Variants in MGST1 observed in about 807,000 individuals in gnomAD.
The protein encoded by MGST1 is microsomal glutathione S-transferase 1.
MGST1 carries 5 observed loss-of-function variants against 8.9 expected under a neutral mutation model. The observed-to-expected ratio is 0.56, with a 90% CI of 0.29 to 1.19. MGST1 has a LOEUF of 1.19. Among genes scored for constraint, MGST1 ranks in the 50% most tolerant of loss-of-function variants. MGST1 has a pLI of 0.08. For missense variants in MGST1, 182 were observed against 187.4 expected (o/e 0.97, Z 0.17); for synonymous variants, 54 against 67.8 (o/e 0.80, Z 1.00).
intron 4 of MGST1, among the ~76,000 whole-genome samples, chr12:16,471,004 A>G (rs1162481619): frequency 6.6e-6 from 1 of 152,254 alleles, no homozygotes; most frequent in Admixed American, 6.5e-5. Flanking sequence ...CATCTGGCAT[A>G]GAAATTACTT....
intron 1 of MGST1, among the ~76,000 whole-genome samples, chr12:16,386,275 C>T (rs112209801): frequency 3.3e-5 from 5 of 152,290 alleles, no homozygotes; most frequent in South Asian, 2.1e-4. Context: ...GTGCTGTACA[C>T]GCGGCAAGTT....
intron 4 of MGST1, among the ~76,000 whole-genome samples, chr12:16,466,400 T>C (rs919989784): frequency 1.3e-5 from 2 of 152,232 alleles, no homozygotes; most frequent in Admixed American, 6.5e-5. Context: ...GAATCTACTG[T>C]ATACAACTGA....
chr12:16,461,191 A>AAG (rs1293675777), intron 4 of MGST1, among the ~76,000 whole-genome samples: 12 of 151,538 alleles, frequency 7.9e-5, no homozygotes. Flanking sequence ...AAAAAAAAAA[A>AAG]AAGCACATCA....
chr12:16,361,481 G>A lies in MGST1; in HGVS notation c.222-2314G>A, dbSNP rs1173472492. On this transcript the variant is annotated intron_variant, in intron 3 of 3. Transcript: ENST00000396210. This position sits in a 1 kb window ranked among gnomAD's most constrained non-coding sequence, Gnocchi z 4.2. ...ATGGGGAAGAAGGGTAATAGACCCAGGTAGAAAGTGGACTCTTAGGAAGAC... is the reference window on the plus strand; with the variant it reads ...ATGGGGAAGAAGGGTAATAGACCCAAGTAGAAAGTGGACTCTTAGGAAGAC... 2.0e-5 allele frequency among the ~76,000 whole-genome samples: 3 copies of A among 152,218 alleles called. No homozygotes were observed. The highest frequency in any genetic ancestry group is 4.8e-5 in the African/African-American group (2 of 41,462).
chr12:16,388,723 C>G (rs528295852), intron 1 of MGST1, among the ~76,000 whole-genome samples: 1 of 152,282 alleles, frequency 6.6e-6, no homozygotes, highest in Non-Finnish European at 1.5e-5. Context: ...TGGAACCCTT[C>G]AAGCGACACT....
chr12:16,349,446 C>A lies in MGST1; in HGVS notation c.-23+1736C>A, dbSNP rs546258248. 2.6e-5 allele frequency among the ~76,000 whole-genome samples: 4 copies of A among 152,256 alleles called. No homozygotes were observed. In the South Asian group the frequency reaches 8.3e-4, roughly 32 times the overall value. ...CAGAAGACCAGAGCTGTTGAGAATT[C>A]TTAGCCTTGATGGTGGGTAGCCCAG... On this transcript the variant is annotated intron_variant, in intron 1 of 3. Transcript: ENST00000396210.
chr12:16,400,272 G>A, intron 1 of MGST1: 1 of 812,992 alleles, frequency 1.2e-6, no homozygotes, highest in East Asian at 2.4e-5. Flanking sequence ...GAAAATGCAA[G>A]ACAATAATCA....
At position 16,517,833 on chromosome 12, in the gene MGST1, T is replaced by C. The variant is rs1233208487; in HGVS notation, n.483-71695T>C. Among the ~76,000 whole-genome samples, 1 of 152,230 alleles carries C rather than the reference T, an allele frequency of 6.6e-6. No homozygotes were observed. Among genetic ancestry groups the C allele is most frequent in the Non-Finnish European group, 1.5e-5 (1 of 68,048 alleles). ...CATAATTTCTTATTGGAGATTAGTA[T>C]ATGGACATTCTAGTTATGTTAATAC... On this transcript the variant is annotated intron_variant and non_coding_transcript_variant, in intron 4 of 4. Coordinates refer to the MGST1 transcript ENST00000538857. This position sits in a 1 kb window ranked among gnomAD's most constrained non-coding sequence, Gnocchi z 4.2.
intron 1 of MGST1, among the ~76,000 whole-genome samples, chr12:16,436,001 A>ACACT (rs71856348): frequency 1.3e-5 from 2 of 151,416 alleles, no homozygotes; most frequent in African/African-American, 2.4e-5. Flanking sequence ...ATACACACAC[A>ACACT]CACACACACA....
In MGST1 at chr12:16,546,395, T is replaced by G. The variant is rs546639301; in HGVS notation, n.483-43133T>G. On this transcript the variant is annotated intron_variant and non_coding_transcript_variant, in intron 4 of 4. Coordinates refer to the MGST1 transcript ENST00000538857. This position sits in a 1 kb window ranked among gnomAD's most constrained non-coding sequence, Gnocchi z 4.7. ...CCCCGGTGATACCAATTTCGAGTATTCAGCTTCTGAGTCCAGAATACCAAT... is the reference window on the plus strand; with the variant it reads ...CCCCGGTGATACCAATTTCGAGTATGCAGCTTCTGAGTCCAGAATACCAAT... Among the ~76,000 whole-genome samples, 12 of 152,202 alleles carry G rather than the reference T, an allele frequency of 7.9e-5. No homozygotes were observed. In the South Asian group the frequency reaches 1.9e-3, roughly 24 times the overall value.
rs1180428178 is a variant in MGST1 at position 16,560,281 on chromosome 12, T to C, written n.483-29247T>C. On this transcript the variant is annotated intron_variant and non_coding_transcript_variant, in intron 4 of 4. Coordinates refer to the MGST1 transcript ENST00000538857. The surrounding 1 kb of genome is among the most constrained non-coding windows in gnomAD (Gnocchi z 5.0). ...TTAGTAGCTTGTCTCTGGCATGGGA[T>C]TAAAGTTTACAGAACAGAAAAACGC... 1.0e-6 allele frequency: 1 copy of C among 983,908 alleles called. No individual in the cohort carries two copies. The highest frequency in any genetic ancestry group is 1.6e-5 in the African/African-American group (1 of 61,072). The allele number at this position is 983,908 out of a possible 1,614,324, so 60.9% of individuals were successfully genotyped here. A position where few individuals can be genotyped will look rare whatever the true frequency, so the allele number is the denominator to read the frequency against.
At chr12:16,566,561 T>C (rs1037642505) in intron 4 of MGST1, among the ~76,000 whole-genome samples, 2 of 151,952 alleles carry the variant, frequency 1.3e-5, no homozygotes, top group Non-Finnish European at 2.9e-5. Context: ...AAAAAAGAAA[T>C]TTTCAAAAAA....
chr12:16,489,383 G>A (rs1442713852), intron 4 of MGST1, among the ~76,000 whole-genome samples: 1 of 152,078 alleles, frequency 6.6e-6, no homozygotes, highest in East Asian at 1.9e-4. Flanking sequence ...TGTTAATATT[G>A]CCTTCATACT....
chr12:16,494,487 TAACA>T (rs930161087), intron 4 of MGST1, among the ~76,000 whole-genome samples: 3 of 152,206 alleles, frequency 2.0e-5, no homozygotes, highest in Admixed American at 6.6e-5. Context: ...AGACCTGGAC[TAACA>T]AACAGAAATA....
rs1323811534 is a variant in MGST1 at position 16,584,327 on chromosome 12, G to GA, written n.483-5198dup. Reference sequence around the variant, plus strand: ...TAGTACCTTGCACCTGTTGACAGCTGAAAGAAAAGTTGCCTCCTTAAAGGA... The same window carrying GA: ...TAGTACCTTGCACCTGTTGACAGCTGAAAAGAAAAGTTGCCTCCTTAAAGGA... On this transcript the variant is annotated intron_variant and non_coding_transcript_variant, in intron 4 of 4. Transcript: ENST00000538857. This position sits in a 1 kb window ranked among gnomAD's most constrained non-coding sequence, Gnocchi z 5.2. Among the ~76,000 whole-genome samples the GA allele has an allele frequency of 1.3e-5, 2 of 152,152 alleles. No homozygotes were observed. The highest frequency in any genetic ancestry group is 3.9e-4 in the East Asian group (2 of 5,186).
chr12:16,549,272 G>GTTAT (rs1941900142), intron 4 of MGST1: 2 of 152,054 alleles, frequency 1.3e-5, no homozygotes, highest in African/African-American at 2.4e-5. Context: ...TAAAATAATA[G>GTTAT]TTATTTTTGT....
intron 4 of MGST1, among the ~76,000 whole-genome samples, chr12:16,583,556 C>A (rs1355537526): frequency 6.6e-6 from 1 of 152,150 alleles, no homozygotes; most frequent in Admixed American, 6.6e-5. Context: ...AGGAAGACCT[C>A]ATTCCCATAG....
intron 4 of MGST1, among the ~76,000 whole-genome samples, chr12:16,519,585 C>G (rs1454824210): frequency 2.6e-5 from 4 of 152,106 alleles, no homozygotes; most frequent in Admixed American, 2.0e-4. Context: ...CTTGCTTAGT[C>G]TCTATATATA....
intron 3 of MGST1, among the ~76,000 whole-genome samples, chr12:16,374,187 C>T (rs1940343981): frequency 6.6e-6 from 1 of 151,988 alleles, no homozygotes; most frequent in Non-Finnish European, 1.5e-5. Context: ...TAACAGGGAG[C>T]AGAATATGCT....
Sources: gnomAD v4.1 joint callset for allele counts (sites outside exome capture counted in the v4.1 genomes callset) on GRCh38, gnomAD v4.1.1 for gene constraint, Gnocchi (gnomAD v3.1) non-coding constraint, MANE v1.5 for transcripts, NCBI Gene and HGNC (gene_info 2026-07-23, HGNC 2026-07-21) for gene names.